The following KCTD19 variants were observed in gnomAD, a reference collection of about 807,000 sequenced individuals.
KCTD19 encodes BTB/POZ domain-containing protein KCTD19.
A neutral mutation model predicts 103.5 loss-of-function variants in KCTD19; 67 were observed. The ratio of observed to expected loss-of-function variants is 0.65; its 90% CI spans 0.53 to 0.79. KCTD19 has a LOEUF of 0.79. KCTD19 is among the 30% of genes least tolerant of loss of function. The pLI, the probability that KCTD19 is intolerant of heterozygous loss-of-function variation, is 0.00. For synonymous variants in KCTD19, 439 were observed against 452.2 expected (o/e 0.97, Z 0.37); for missense variants, 980 against 1,136.1 (o/e 0.86, Z 1.98).
intron 2 of KCTD19, among the ~76,000 whole-genome samples, chr16:67,313,234 C>G (rs2036967448): frequency 6.6e-6 from 1 of 151,878 alleles, no homozygotes; most frequent in South Asian, 2.1e-4. Flanking sequence ...CTCAGCCTCC[C>G]CGAGTAGCTG....
Position 67,291,758 on chromosome 16 carries a change from G to A in KCTD19, c.2298C>T (p.Pro766=). Residue 766 remains proline, a synonymous_variant, in exon 13 of 16, where the codon CCC becomes CCT. Coordinates refer to ENST00000304372, the MANE Select transcript of KCTD19 (RefSeq NM_001100915.3). Reference sequence around the variant, plus strand: ...AGAAGCCATCGCTGCCCACCACGGGGGGGTGAGTCACTTTGAGGATAACCC... The same window carrying A: ...AGAAGCCATCGCTGCCCACCACGGGAGGGTGAGTCACTTTGAGGATAACCC... ...SLGVILKVTH[P]PVVGSDGFCM... is the part of the protein sequence containing the mutation. 1 of 1,614,146 alleles carries A rather than the reference G, an allele frequency of 6.2e-7. No homozygotes were observed. The highest frequency in any genetic ancestry group is 8.5e-7 in the Non-Finnish European group (1 of 1,179,988).
intron 13 of KCTD19, 72 bp downstream of exon 13, chr16:67,291,574 G>A: frequency 6.4e-7 from 1 of 1,572,824 alleles, no homozygotes; most frequent in Non-Finnish European, 8.7e-7. Flanking sequence ...GTCTCTGCCT[G>A]AAGTACCCTG....
Position 67,295,358 on chromosome 16 carries a change from A to C in KCTD19, c.1296T>G (p.Tyr432Ter). 1.2e-6 allele frequency: 2 copies of C among 1,614,144 alleles called. No homozygotes were observed. The highest frequency in any genetic ancestry group is 1.1e-5 in the South Asian group (1 of 91,078). Residue 432 changes from tyrosine to a stop codon, truncating the protein, a stop_gained, in exon 9 of 16, where the codon TAT (tyrosine) becomes TAG (stop). Transcript: ENST00000304372. LOFTEE classifies it high-confidence loss of function. ...SNPQRVYWITYGQTLLIHGDG... is the reference protein window; with the variant it reads ...SNPQRVYWIT ...CCCCGTGGATGAGCAGGGTTTGTCC[A>C]TATGTGATCCAGTACACTCTCTGAG...
At chr16:67,305,838 G>A (rs1329784298) in intron 2 of KCTD19, among the ~76,000 whole-genome samples, 2 of 152,140 alleles carry the variant, frequency 1.3e-5, no homozygotes, top group African/African-American at 4.8e-5. Flanking sequence ...CCCTTGTGAC[G>A]TTGCTCTCAA....
At chr16:67,322,148 A>G (rs2037081342) in intron 1 of KCTD19, among the ~76,000 whole-genome samples, 1 of 152,238 alleles carries the variant, frequency 6.6e-6, no homozygotes, top group Non-Finnish European at 1.5e-5. Context: ...TTCAATGGAC[A>G]AAGAATAGTC....
In KCTD19 at chr16:67,320,186, G is replaced by C. The variant is rs1326025378; in HGVS notation, c.300+403C>G. Among the ~76,000 whole-genome samples, 1 of 152,096 alleles carries C rather than the reference G, an allele frequency of 6.6e-6. No individual in the cohort carries two copies. Among genetic ancestry groups the C allele is most frequent in the African/African-American group, 2.4e-5 (1 of 41,422 alleles). ...AGCACTTAGGGAGGCCAATTAGAGAGGACGACTTGAGCCCAGGAGTTCAAG... is the reference window on the plus strand; with the variant it reads ...AGCACTTAGGGAGGCCAATTAGAGACGACGACTTGAGCCCAGGAGTTCAAG... On this transcript the variant is annotated intron_variant, in intron 2 of 15. Coordinates refer to ENST00000304372, the MANE Select transcript of KCTD19 (RefSeq NM_001100915.3). This position sits in a 1 kb window ranked among gnomAD's most constrained non-coding sequence, Gnocchi z 4.0.
Position 67,293,867 on chromosome 16 carries a change from A to C in KCTD19, c.1895T>G (p.Met632Arg), listed in dbSNP as rs772244334. Residue 632 changes from methionine to arginine, a missense_variant, in exon 12 of 16, where the codon ATG becomes AGG. Coordinates refer to ENST00000304372, the MANE Select transcript of KCTD19 (RefSeq NM_001100915.3). This position sits in a 1 kb window ranked among gnomAD's most constrained non-coding sequence, Gnocchi z 4.0. ...SETKDPPATP[M>R]QKLISLVREW... ...TCTCACCAGGGAGATGAGTTTTTGC[A>C]TGGGAGTGGCGGGAGGGTCTTTGGT... The C allele has an allele frequency of 6.2e-7, 1 of 1,613,964 alleles. No homozygotes were observed. Among genetic ancestry groups the C allele is most frequent in the Admixed American group, 1.7e-5 (1 of 60,026 alleles).
At chr16:67,302,368 T>C (rs1317934696) in intron 4 of KCTD19, 1 of 183,836 alleles carries the variant, frequency 5.4e-6, no homozygotes, top group African/African-American at 2.4e-5. Context: ...GAGCCAACGC[T>C]AATGTCCTGT....
chr16:67,320,348 T>C lies in KCTD19; in HGVS notation c.300+241A>G, dbSNP rs922219115. ...GGTGGAGGTTGCAGTGAGCTGTGAT[T>C]GCAGCAGACACCCTGTCTCGAAAAA... On this transcript the variant is annotated intron_variant, in intron 2 of 15. Coordinates refer to ENST00000304372, the MANE Select transcript of KCTD19 (RefSeq NM_001100915.3). The surrounding 1 kb of genome is among the most constrained non-coding windows in gnomAD (Gnocchi z 4.0). Among the ~76,000 whole-genome samples, 1 of 152,196 alleles carries C rather than the reference T, an allele frequency of 6.6e-6. No homozygotes were observed. Among genetic ancestry groups the C allele is most frequent in the African/African-American group, 2.4e-5 (1 of 41,448 alleles).
chr16:67,305,271 G>A (rs1016480535), intron 2 of KCTD19: 1 of 162,068 alleles, frequency 6.2e-6, no homozygotes, highest in African/African-American at 2.4e-5. Flanking sequence ...CCTAACCCTG[G>A]GTAGTGATCT....
intron 1 of KCTD19, among the ~76,000 whole-genome samples, chr16:67,322,950 A>C (rs141889270): frequency 0.029 from 4,381 of 152,348 alleles, 78 homozygotes; most frequent in Middle Eastern, 0.11. Context: ...CAGAACGAAA[A>C]AAGATGCTCA....
intron 1 of KCTD19, chr16:67,321,685 G>A (rs370662895): frequency 9.9e-5 from 15 of 152,106 alleles, no homozygotes; most frequent in African/African-American, 2.2e-4. Flanking sequence ...CACATGCAGC[G>A]CCTCATTAGG....
At chr16:67,313,219 C>G (rs2036967313) in intron 2 of KCTD19, among the ~76,000 whole-genome samples, 2 of 151,980 alleles carry the variant, frequency 1.3e-5, no homozygotes, top group Admixed American at 6.5e-5. Flanking sequence ...AAGCGATTCT[C>G]TCATCTCAGC....
chr16:67,297,410 A>G (rs1428366205), intron 7 of KCTD19, 93 bp downstream of exon 7: 23 of 1,273,712 alleles, frequency 1.8e-5, no homozygotes, highest in Non-Finnish European at 2.4e-5. Flanking sequence ...TCCTCCATCT[A>G]CAGTTCCTCG....
At chr16:67,319,906 T>C (rs981833646) in intron 2 of KCTD19, among the ~76,000 whole-genome samples, 4 of 152,066 alleles carry the variant, frequency 2.6e-5, no homozygotes, top group African/African-American at 7.2e-5. Flanking sequence ...ATCTCAGACA[T>C]GATGTACATA....
intron 8 of KCTD19, 69 bp downstream of exon 8, chr16:67,296,090 G>A: frequency 1.1e-6 from 1 of 915,234 alleles, no homozygotes. Context: ...TGAGGGCCAG[G>A]TGATGGCCCC....
intron 10 of KCTD19, 57 bp downstream of exon 10, chr16:67,294,916 C>G: frequency 7.3e-7 from 1 of 1,366,862 alleles, no homozygotes; most frequent in Non-Finnish European, 1.0e-6. Flanking sequence ...GACAGGATTT[C>G]AAGAGGAATT....
At chr16:67,322,441 G>A (rs1230450016) in intron 1 of KCTD19, among the ~76,000 whole-genome samples, 1 of 151,970 alleles carries the variant, frequency 6.6e-6, no homozygotes, top group East Asian at 1.9e-4. Flanking sequence ...TGGGACTACA[G>A]GCACCCGCCA....
Position 67,291,622 on chromosome 16 carries a change from C to G in KCTD19, c.2410+24G>C, listed in dbSNP as rs775730486. On this transcript the variant is annotated intron_variant, in intron 13 of 15. Transcript: ENST00000304372. ...GGCATCCTCACGAGGAGGCGCAGGG[C>G]TCGGCCTGGCTCCAGAGCCTCACCT... is the stretch of plus-strand genomic sequence containing the variant. The G allele has an allele frequency of 1.9e-6, 3 of 1,606,936 alleles. No individual in the cohort carries two copies. In the Admixed American group the frequency reaches 5.0e-5, roughly 27 times the overall value.
Sources: allele counts gnomAD v4.1 joint callset (sites outside exome capture counted in the v4.1 genomes callset), GRCh38; gene constraint gnomAD v4.1.1; non-coding constraint Gnocchi (gnomAD v3.1); transcripts MANE v1.5; gene names NCBI Gene and HGNC (gene_info 2026-07-23, HGNC 2026-07-21).